The following CROCC variants were observed in gnomAD, a reference collection of about 807,000 sequenced individuals.
The protein encoded by CROCC is ciliary rootlet coiled-coil, rootletin.
Under a neutral mutation model 245.2 loss-of-function variants are expected in CROCC, and 180 were observed. The ratio of observed to expected loss-of-function variants is 0.73; its 90% confidence interval spans 0.65 to 0.83. CROCC has a LOEUF of 0.83. Among genes scored for constraint, CROCC ranks in the 40% least tolerant of loss-of-function variants. CROCC has a pLI of 0.00. For synonymous variants in CROCC, 1,205 were observed against 1,241.6 expected, an observed-to-expected ratio of 0.97 and a Z score of 0.62; for missense variants, 2,688 against 2,779.4, an observed-to-expected ratio of 0.97 and a Z score of 0.74.
At position 16,954,818 on chromosome 1, in the gene CROCC, A is replaced by G; in HGVS notation, c.3406A>G (p.Arg1136Gly). The part of the protein sequence containing the change: ...EAAAAHAQEV[R>G]RLQEQARDLG... ...TGCTGCGGCCCACGCCCAGGAGGTG[A>G]GGAGGCTGCAAGAGCAGGCCCGAGA... The change falls in exon 23 of 37, where the codon AGG becomes GGG. Residue 1136 changes from arginine to glycine, a missense_variant. Arg to Gly is a moderately radical substitution (Grantham distance 125). Coordinates refer to ENST00000375541, the MANE Select transcript of CROCC (RefSeq NM_014675.5). The surrounding 1 kb of genome is among the most constrained non-coding windows in gnomAD (Gnocchi z 4.4). 6.4e-7 allele frequency: 1 copy of G among 1,551,684 alleles called. No individual in the cohort carries two copies. Among genetic ancestry groups the G allele is most frequent in the Non-Finnish European group, 8.7e-7 (1 of 1,147,346 alleles).
At chr1:16,940,270 C>G (rs1016326333) in intron 13 of CROCC, among the ~76,000 whole-genome samples, 177 bp downstream of exon 13, 5 of 152,272 alleles carry the variant, frequency 3.3e-5, no homozygotes, top group African/African-American at 4.8e-5. Flanking sequence ...GTCGCCCAGG[C>G]TGGAGTGCAG....
chr1:16,927,431 G>A (rs942532210), intron 3 of CROCC, among the ~76,000 whole-genome samples: 3 of 152,202 alleles, frequency 2.0e-5, no homozygotes, highest in African/African-American at 7.2e-5. Flanking sequence ...GGGAGCCCAG[G>A]CACACCCCCC....
At chr1:16,934,707 C>A (rs2075749758) in intron 8 of CROCC, among the ~76,000 whole-genome samples, 1 of 152,256 alleles carries the variant, frequency 6.6e-6, no homozygotes, top group Admixed American at 6.5e-5. Flanking sequence ...CAAAAGGGTA[C>A]ACAGTAAAAT....
At chr1:16,939,198 C>A in intron 12 of CROCC, 56 bp downstream of exon 12, 1 of 1,204,226 alleles carries the variant, frequency 8.3e-7, no homozygotes, top group Non-Finnish European at 1.1e-6. Flanking sequence ...GAGGGGCTCG[C>A]GCCCTCCGGG....
intron 8 of CROCC, among the ~76,000 whole-genome samples, chr1:16,935,915 G>A (rs1425103405): frequency 6.6e-6 from 1 of 152,284 alleles, no homozygotes; most frequent in Non-Finnish European, 1.5e-5. Flanking sequence ...CGTTCTTAGA[G>A]GAGGAGCCGG....
intron 27 of CROCC, among the ~76,000 whole-genome samples, chr1:16,961,700 C>T (rs1458058854): frequency 6.6e-6 from 1 of 152,046 alleles, no homozygotes; most frequent in Non-Finnish European, 1.5e-5. Flanking sequence ...CAGCCTGTGC[C>T]TCCTGGGCTC....
rs1170731497 is a variant in CROCC, at chr1:16,970,787, G to A, written c.5784+20G>A. The A allele has an allele frequency of 1.1e-5, 17 of 1,549,546 alleles. No homozygotes were observed. The East Asian group carries it at 1.4e-4, about 12-fold the overall frequency. On this transcript the variant is annotated intron_variant, in intron 35 of 36. Coordinates refer to ENST00000375541, the MANE Select transcript of CROCC (RefSeq NM_014675.5). ...CTGGAGGTCTGACCCCACCCAGTCC[G>A]GGACCCCAACTTCATCCCTAGTATG...
At chr1:16,929,696 T>A in intron 3 of CROCC, 150 bp from the exon 4 acceptor site, 1 of 1,392,712 alleles carries the variant, frequency 7.2e-7, no homozygotes, top group South Asian at 1.6e-5. Flanking sequence ...GCACTGCCCC[T>A]GGGCTTGCCC....
At chr1:16,961,547 G>T (rs2076334922) in intron 27 of CROCC, among the ~76,000 whole-genome samples, 1 of 151,988 alleles carries the variant, frequency 6.6e-6, no homozygotes, top group Non-Finnish European at 1.5e-5. Flanking sequence ...TGGGATTAGA[G>T]GCATGAGCCA....
upstream of CROCC, among the ~76,000 whole-genome samples, chr1:16,918,757 GAC>G (rs2075343745): frequency 1.8e-5 from 2 of 113,946 alleles, no homozygotes; most frequent in Non-Finnish European, 3.8e-5. Context: ...TTTTTTTTGA[GAC>G]AGAGTCTCTC....
intron 27 of CROCC, among the ~76,000 whole-genome samples, chr1:16,962,534 CAAA>C (rs1197806001): frequency 9.1e-5 from 2 of 21,880 alleles, no homozygotes; most frequent in Middle Eastern, 0.025. Context: ...GACTCCGTCT[CAAA>C]AAAAAAAAAA....
chr1:16,919,403 G>A (rs1392661608), upstream of CROCC, among the ~76,000 whole-genome samples: 11 of 152,292 alleles, frequency 7.2e-5, no homozygotes, highest in Non-Finnish European at 1.5e-4. Flanking sequence ...TTGAAGTAAG[G>A]ATTTAATGAG....
In CROCC at chr1:16,924,435, G is replaced by T. The variant is rs142101807; in HGVS notation, c.307G>T (p.Glu103Ter). Residue 103 changes from glutamate to a stop codon, truncating the protein, a stop_gained, in exon 3 of 37, where the codon GAG becomes TAG. Coordinates refer to ENST00000375541, the MANE Select transcript of CROCC (RefSeq NM_014675.5). LOFTEE classifies it high-confidence loss of function. ...GGACCTGCTGGCCCAGAGCCGTGCC[G>T]AGCGCGATGAGCTCGCCATTAAGTA... ...VEDLLAQSRAERDELAIKYNA... is the reference protein window; with the variant it reads ...VEDLLAQSRA The T allele has an allele frequency of 6.2e-7, 1 of 1,613,210 alleles. No individual in the cohort carries two copies. The highest frequency in any genetic ancestry group is 1.3e-5 in the African/African-American group (1 of 74,964).
At chr1:16,959,426 C>T (rs769633754) in intron 26 of CROCC, among the ~76,000 whole-genome samples, 7 of 152,200 alleles carry the variant, frequency 4.6e-5, no homozygotes, top group African/African-American at 1.2e-4. Context: ...ACAGGCTACC[C>T]GCTCTGCCTT....
chr1:16,960,278 AACAAAAACCC>A (rs200056878), intron 26 of CROCC, among the ~76,000 whole-genome samples: 6 of 151,954 alleles, frequency 3.9e-5, no homozygotes, highest in East Asian at 3.9e-4. Flanking sequence ...AAAACAAACA[AACAAAAACCC>A]ACAAAAACAA....
At chr1:16,948,029 G>A (rs1257541488) in intron 17 of CROCC, among the ~76,000 whole-genome samples, 2 of 152,264 alleles carry the variant, frequency 1.3e-5, no homozygotes, top group Non-Finnish European at 2.9e-5. Context: ...AGTAGAGACA[G>A]GGTTTCACCC....
intron 26 of CROCC, among the ~76,000 whole-genome samples, chr1:16,960,063 T>G (rs944519896): frequency 1.3e-5 from 2 of 152,048 alleles, no homozygotes; most frequent in Admixed American, 6.5e-5. Flanking sequence ...GGCCAGGAGT[T>G]CGAGAGCAGT....
intron 1 of CROCC, among the ~76,000 whole-genome samples, chr1:16,915,558 TA>T (rs1324449586): frequency 3.3e-5 from 5 of 152,130 alleles, no homozygotes; most frequent in African/African-American, 1.2e-4. Context: ...GAGGATCCCT[TA>T]AGCCCAGGAG....
intron 3 of CROCC, 34 bp from the exon 4 acceptor site, chr1:16,929,812 G>A (rs1177194736): frequency 3.5e-5 from 52 of 1,503,360 alleles, no homozygotes; most frequent in Non-Finnish European, 4.3e-5. Context: ...TTCCCAGGAG[G>A]CCCAGGACTC....
Sources: gnomAD v4.1 joint callset for allele counts (sites outside exome capture counted in the v4.1 genomes callset) on GRCh38, gnomAD v4.1.1 for gene constraint, Gnocchi (gnomAD v3.1) non-coding constraint, MANE v1.5 for transcripts, NCBI Gene and HGNC (gene_info 2026-07-23, HGNC 2026-07-21) for gene names.